Variants in NRXN3 observed in about 807,000 individuals in gnomAD.
NRXN3 encodes the protein neurexin 3.
In NRXN3, 32 loss-of-function variants were observed where a neutral mutation model predicts 137.6. That is an observed-to-expected ratio of 0.23 (90% CI 0.18 to 0.31). The LOEUF (loss-of-function observed/expected upper bound fraction) is 0.31, where lower values mean the gene tolerates loss of function less well. NRXN3 is among the 10% of genes least tolerant of loss of function. NRXN3 has a pLI of 1.00. For synonymous variants in NRXN3, 798 were observed against 784.5 expected, an observed-to-expected ratio of 1.02 and a Z score of -0.29; for missense variants, 1,574 against 2,062.5, an observed-to-expected ratio of 0.76 and a Z score of 4.59.
At chr14:78,489,852 T>C (rs1388780038) in intron 4 of NRXN3, among the ~76,000 whole-genome samples, 1 of 150,880 alleles carries the variant, frequency 6.6e-6, no homozygotes. Flanking sequence ...GGTGGTGAGA[T>C]GGATAAAGAA....
At chr14:79,406,624 T>G (rs1417717255) in intron 15 of NRXN3, among the ~76,000 whole-genome samples, 1 of 152,060 alleles carries the variant, frequency 6.6e-6, no homozygotes, top group African/African-American at 2.4e-5. Flanking sequence ...TTTTTAAAGA[T>G]AAGACCTAAA....
chr14:79,853,455 G>C (rs1042320560), intron 20 of NRXN3: 2 of 589,840 alleles, frequency 3.4e-6, no homozygotes, highest in Non-Finnish European at 5.1e-6. Flanking sequence ...GAGATTGTCA[G>C]TGTTAGAGTT....
intron 4 of NRXN3, among the ~76,000 whole-genome samples, chr14:78,515,822 C>T (rs1483140656): frequency 6.6e-6 from 1 of 152,066 alleles, no homozygotes; most frequent in African/African-American, 2.4e-5. Flanking sequence ...GGAAAAGCAG[C>T]ATGATATAGA....
At chr14:78,339,361 G>T (rs1004677084) in intron 4 of NRXN3, among the ~76,000 whole-genome samples, 1 of 152,164 alleles carries the variant, frequency 6.6e-6, no homozygotes, top group Non-Finnish European at 1.5e-5. Flanking sequence ...CTAGGTCCAT[G>T]CTACTCTAGA....
chr14:79,150,050 C>T (rs903290479), intron 15 of NRXN3, among the ~76,000 whole-genome samples: 2 of 151,824 alleles, frequency 1.3e-5, no homozygotes, highest in East Asian at 3.9e-4. Flanking sequence ...TTTTTTTAAG[C>T]AAAAGTGTTC....
At chr14:79,640,492 A>G (rs1211775823) in intron 16 of NRXN3, among the ~76,000 whole-genome samples, 1 of 135,796 alleles carries the variant, frequency 7.4e-6, no homozygotes, top group African/African-American at 2.5e-5. Flanking sequence ...TGTATTTCTT[A>G]TCATCTTGAT....
At chr14:78,172,923 C>T (rs1048987629) in intron 1 of NRXN3, among the ~76,000 whole-genome samples, 1 of 152,064 alleles carries the variant, frequency 6.6e-6, no homozygotes, top group African/African-American at 2.4e-5. Flanking sequence ...TTCTGGCCTC[C>T]GTTTTTGTTG....
chr14:78,227,742 C>T (rs908167651), intron 1 of NRXN3, among the ~76,000 whole-genome samples: 7 of 152,260 alleles, frequency 4.6e-5, no homozygotes, highest in East Asian at 1.9e-4. Context: ...GTTAAGTGCT[C>T]GTAGTAAATT....
chr14:79,344,243 T>G (rs138561406), intron 15 of NRXN3, among the ~76,000 whole-genome samples: 202 of 152,256 alleles, frequency 1.3e-3, no homozygotes, highest in South Asian at 2.9e-3. Flanking sequence ...CTTCCAGGGC[T>G]CATCTGACCA....
At chr14:79,824,635 A>G (rs958371858) in intron 20 of NRXN3, among the ~76,000 whole-genome samples, 3 of 152,224 alleles carry the variant, frequency 2.0e-5, no homozygotes, top group African/African-American at 7.2e-5. Context: ...TATTCAAACA[A>G]GGTTGTTTAA....
At chr14:78,481,502 C>T (rs933876606) in intron 4 of NRXN3, among the ~76,000 whole-genome samples, 7 of 152,176 alleles carry the variant, frequency 4.6e-5, no homozygotes, top group East Asian at 1.9e-4. Flanking sequence ...GAGTGACAGC[C>T]GGGGCTTTTT....
At chr14:78,268,365 G>A (rs1424689597) in intron 2 of NRXN3, among the ~76,000 whole-genome samples, 2 of 152,004 alleles carry the variant, frequency 1.3e-5, no homozygotes, top group Non-Finnish European at 2.9e-5. Context: ...TTTTGGATAT[G>A]CTACCCCAGC....
intron 4 of NRXN3, among the ~76,000 whole-genome samples, chr14:78,301,338 T>C (rs1278976250): frequency 6.6e-6 from 1 of 152,196 alleles, no homozygotes; most frequent in African/African-American, 2.4e-5. Context: ...CGTAGGATTT[T>C]AACTTACAAA....
intron 8 of NRXN3, among the ~76,000 whole-genome samples, chr14:78,789,312 A>G (rs1285979580): frequency 6.6e-6 from 1 of 152,056 alleles, no homozygotes; most frequent in African/African-American, 2.4e-5. Flanking sequence ...ATTTCTTTCC[A>G]TATGCTCTAG....
chr14:78,872,575 A>G (rs1299233451), intron 10 of NRXN3, among the ~76,000 whole-genome samples: 3 of 152,030 alleles, frequency 2.0e-5, no homozygotes, highest in African/African-American at 7.2e-5. Context: ...TCACTTAATA[A>G]TAAAACTCTA....
At chr14:78,225,972 TTGG>T (rs1326210127) in intron 1 of NRXN3, among the ~76,000 whole-genome samples, 4 of 114,190 alleles carry the variant, frequency 3.5e-5, no homozygotes, top group Non-Finnish European at 7.0e-5. Flanking sequence ...TGTGTGTGTG[TTGG>T]TGTGTGTGTG....
intron 19 of NRXN3, among the ~76,000 whole-genome samples, chr14:79,717,226 G>A (rs750651752): frequency 6.6e-6 from 1 of 152,088 alleles, no homozygotes; most frequent in Non-Finnish European, 1.5e-5. Context: ...TCCTTAGAAG[G>A]GTGCCAGCTC....
chr14:79,497,304 C>T (rs1477377976), intron 16 of NRXN3, among the ~76,000 whole-genome samples: 1 of 152,048 alleles, frequency 6.6e-6, no homozygotes, highest in Non-Finnish European at 1.5e-5. Context: ...ATTCTGGCCT[C>T]TTTACTATCC....
At chr14:79,076,549 G>A (rs537611217) in intron 15 of NRXN3, among the ~76,000 whole-genome samples, 18 of 152,200 alleles carry the variant, frequency 1.2e-4, no homozygotes, top group Non-Finnish European at 2.6e-4. Context: ...CTACAGGACA[G>A]CTTACAACTT....
Sources: gnomAD v4.1 joint callset for allele counts (sites outside exome capture counted in the v4.1 genomes callset) on GRCh38, gnomAD v4.1.1 for gene constraint, MANE v1.5 for transcripts, NCBI Gene and HGNC (gene_info 2026-07-23, HGNC 2026-07-21) for gene names.